Variants in KCND2 observed in about 807,000 individuals in gnomAD.
KCND2 encodes potassium voltage-gated channel subfamily D member 2.
KCND2 carries 16 observed loss-of-function variants against 54.4 expected under a neutral mutation model. The ratio of observed to expected loss-of-function variants is 0.29; its 90% CI spans 0.20 to 0.45. The LOEUF (loss-of-function observed/expected upper bound fraction) is 0.45, where lower values mean the gene tolerates loss of function less well. Among genes scored for constraint, KCND2 ranks in the 20% least tolerant of loss-of-function variants. KCND2 has a pLI of 1.00. For missense variants in KCND2, 486 were observed against 824.2 expected (o/e 0.59, Z 5.02); for synonymous variants, 317 against 310.7 (o/e 1.02, Z -0.21).
At chr7:120,370,097 G>A (rs1478300503) in intron 1 of KCND2, among the ~76,000 whole-genome samples, 1 of 151,962 alleles carries the variant, frequency 6.6e-6, no homozygotes, top group African/African-American at 2.4e-5. Context: ...AAGATGTGAA[G>A]AAGGTGAGGA....
intron 1 of KCND2, among the ~76,000 whole-genome samples, chr7:120,707,746 T>C (rs1338649591): frequency 6.6e-6 from 1 of 151,902 alleles, no homozygotes; most frequent in Admixed American, 6.6e-5. Flanking sequence ...AAGGCTGAAG[T>C]AGAGGGACAT....
chr7:120,476,663 G>A (rs1015332218), intron 1 of KCND2, among the ~76,000 whole-genome samples: 2 of 151,954 alleles, frequency 1.3e-5, no homozygotes, highest in Non-Finnish European at 2.9e-5. Context: ...GGAGGTAAGT[G>A]GCAAATATTG....
intron 1 of KCND2, among the ~76,000 whole-genome samples, chr7:120,570,091 A>G (rs1792343921): frequency 2.0e-5 from 3 of 152,180 alleles, no homozygotes; most frequent in African/African-American, 2.4e-5. Context: ...TCTTCTTAAC[A>G]TTGTGTAAAT....
At chr7:120,729,863 G>A (rs894861676) in intron 1 of KCND2, among the ~76,000 whole-genome samples, 5 of 150,142 alleles carry the variant, frequency 3.3e-5, no homozygotes, top group Non-Finnish European at 5.9e-5. Flanking sequence ...TTTATGACAC[G>A]AAGCTTATGT....
intron 1 of KCND2, among the ~76,000 whole-genome samples, chr7:120,569,913 G>A (rs1044625683): frequency 5.3e-5 from 8 of 152,078 alleles, no homozygotes; most frequent in East Asian, 1.9e-4. Flanking sequence ...GGGATCTTTC[G>A]GACACAGATT....
Position 120,353,494 on chromosome 7 carries a change from A to G in KCND2, c.1115+77747A>G, listed in dbSNP as rs1050843392. On this transcript the variant is annotated intron_variant, in intron 1 of 5. Coordinates refer to ENST00000331113, the MANE Select transcript of KCND2 (RefSeq NM_012281.3). ...GATTATAGAGAAAGGAAAAAGCAATAGTGACTCCTAGGTTCTTTACTTAAA... is the reference window on the plus strand; with the variant it reads ...GATTATAGAGAAAGGAAAAAGCAATGGTGACTCCTAGGTTCTTTACTTAAA... Among the ~76,000 whole-genome samples the G allele has an allele frequency of 1.5e-4, 23 of 152,258 alleles. No individual in the cohort carries two copies. In the South Asian group the frequency reaches 3.7e-3, roughly 25 times the overall value.
intron 1 of KCND2, among the ~76,000 whole-genome samples, chr7:120,410,887 T>C (rs1379660451): frequency 6.6e-6 from 1 of 152,004 alleles, no homozygotes; most frequent in Non-Finnish European, 1.5e-5. Context: ...CATCCTTTTT[T>C]ATGGCTGCAT....
At chr7:120,506,941 A>G (rs962095458) in intron 1 of KCND2, among the ~76,000 whole-genome samples, 2 of 151,810 alleles carry the variant, frequency 1.3e-5, no homozygotes, top group African/African-American at 4.8e-5. Context: ...AAGAAAGCCC[A>G]CAAAAAAGAA....
At chr7:120,409,443 A>G (rs1801415154) in intron 1 of KCND2, among the ~76,000 whole-genome samples, 1 of 151,928 alleles carries the variant, frequency 6.6e-6, no homozygotes, top group Admixed American at 6.6e-5. Context: ...ATAATATACA[A>G]ATGTTTAACT....
chr7:120,321,080 A>G lies in KCND2; in HGVS notation c.1115+45333A>G, dbSNP rs1799888037. 4.6e-5 allele frequency among the ~76,000 whole-genome samples: 7 copies of G among 152,060 alleles called. No individual in the cohort carries two copies. In the South Asian group the frequency reaches 1.5e-3, roughly 32 times the overall value. ...TAACCTTTTTTTCCTGTATGTATGC[A>G]TTTGTAAATTAATCCATTCAAGATA... On this transcript the variant is annotated intron_variant, in intron 1 of 5. Coordinates refer to ENST00000331113, the MANE Select transcript of KCND2 (RefSeq NM_012281.3).
Position 120,274,661 on chromosome 7 carries a change from C to G in KCND2, c.29C>G (p.Pro10Arg). The G allele has an allele frequency of 1.2e-6, 2 of 1,613,992 alleles. No homozygotes were observed. The highest frequency in any genetic ancestry group is 1.7e-6 in the Non-Finnish European group (2 of 1,180,012). MAAGVAAWL[P>R]FARAAAIGWM... is the part of the protein sequence containing the mutation. ...GCGGCGGGGGTGGCAGCGTGGCTGC[C>G]TTTTGCAAGGGCAGCGGCTATCGGG... is the stretch of plus-strand genomic sequence containing the variant. Residue 10 changes from proline to arginine, a missense_variant, in exon 1 of 6, where the codon CCT becomes CGT. Around this residue, in one of 7 missense-constraint regions of KCND2, gnomAD observed 231 missense variants for 386.0 expected, o/e 0.60. Transcript: ENST00000331113.
At chr7:120,277,367 T>A (rs1401164168) in intron 1 of KCND2, among the ~76,000 whole-genome samples, 1 of 152,082 alleles carries the variant, frequency 6.6e-6, no homozygotes, top group Non-Finnish European at 1.5e-5. Flanking sequence ...TTTGTTTTTG[T>A]TGTCTTGTCA....
At chr7:120,406,805 T>C (rs1419083406) in intron 1 of KCND2, among the ~76,000 whole-genome samples, 1 of 151,970 alleles carries the variant, frequency 6.6e-6, no homozygotes, top group Non-Finnish European at 1.5e-5. Flanking sequence ...ATGATCGTTT[T>C]TAAGATAAGA....
At chr7:120,526,713 T>A (rs1331121615) in intron 1 of KCND2, among the ~76,000 whole-genome samples, 1 of 152,182 alleles carries the variant, frequency 6.6e-6, no homozygotes, top group Non-Finnish European at 1.5e-5. Context: ...AATTATTCAA[T>A]GTGGAAAAAT....
chr7:120,663,553 A>AAGGAAGAAATAATAATTT (rs1403145500), intron 1 of KCND2, among the ~76,000 whole-genome samples: 2 of 152,180 alleles, frequency 1.3e-5, no homozygotes. Flanking sequence ...TACAAGATAT[A>AAGGAAGAAATAATAATTT]AGGAAGAAAT....
intron 1 of KCND2, among the ~76,000 whole-genome samples, chr7:120,566,276 G>T (rs755201422): frequency 6.6e-6 from 1 of 152,126 alleles, no homozygotes; most frequent in Non-Finnish European, 1.5e-5. Flanking sequence ...AAACAGACTG[G>T]ATATTAATAC....
At chr7:120,574,255 G>A (rs1488426236) in intron 1 of KCND2, among the ~76,000 whole-genome samples, 1 of 152,144 alleles carries the variant, frequency 6.6e-6, no homozygotes, top group African/African-American at 2.4e-5. Flanking sequence ...TATTTTGGGT[G>A]TATATTGACC....
chr7:120,285,536 A>AAG (rs1337127160), intron 1 of KCND2, among the ~76,000 whole-genome samples: 1 of 151,986 alleles, frequency 6.6e-6, no homozygotes, highest in Non-Finnish European at 1.5e-5. Flanking sequence ...AATAGGACAT[A>AAG]AGAATAGATG....
intron 2 of KCND2, among the ~76,000 whole-genome samples, chr7:120,734,401 T>C (rs926130727): frequency 2.0e-5 from 3 of 152,072 alleles, no homozygotes; most frequent in Admixed American, 2.0e-4. Context: ...GTTACCATTA[T>C]TATCCTCATT....
Sources: allele counts gnomAD v4.1 joint callset (sites outside exome capture counted in the v4.1 genomes callset), GRCh38; gene constraint gnomAD v4.1.1; regional missense constraint gnomAD v4.1.1; transcripts MANE v1.5; gene names NCBI Gene and HGNC (gene_info 2026-07-23, HGNC 2026-07-21).